Variants in CNTNAP3B observed in about 807,000 individuals in gnomAD.
CNTNAP3B encodes contactin associated protein family member 3B.
Under a neutral mutation model 108.9 loss-of-function variants are expected in CNTNAP3B, and 25 were observed. The observed-to-expected ratio is 0.23, with a 90% CI of 0.17 to 0.32. CNTNAP3B has a LOEUF of 0.32. Ranked by LOEUF, CNTNAP3B falls within the 10% of genes least tolerant of loss-of-function variation. The pLI, the probability that CNTNAP3B is intolerant of heterozygous loss-of-function variation, is 1.00. For missense variants in CNTNAP3B, 252 were observed against 1,210.4 expected, an observed-to-expected ratio of 0.21 and a Z score of 11.75; for synonymous variants, 103 against 473.4, an observed-to-expected ratio of 0.22 and a Z score of 10.16.
At chr9:42,095,217 C>A (rs568860116) in intron 2 of CNTNAP3B, among the ~76,000 whole-genome samples, 2 of 138,156 alleles carry the variant, frequency 1.4e-5, no homozygotes, top group East Asian at 4.4e-4. Flanking sequence ...ATTCTACTCT[C>A]TACTTCTGTG....
intron 3 of CNTNAP3B, among the ~76,000 whole-genome samples, chr9:42,044,405 T>TGAGAAATA: frequency 6.7e-6 from 1 of 149,054 alleles, no homozygotes; most frequent in Non-Finnish European, 1.5e-5. Context: ...ATCTGAGTTG[T>TGAGAAATA]CACCATCAAA....
intron 4 of CNTNAP3B, among the ~76,000 whole-genome samples, chr9:42,007,703 T>C (rs1408503639): frequency 1.5e-5 from 2 of 137,520 alleles, no homozygotes; most frequent in Admixed American, 7.4e-5. Flanking sequence ...CCGGCATAGC[T>C]ATACAGTACT....
At chr9:41,917,312 C>T (rs547040723) in intron 18 of CNTNAP3B, among the ~76,000 whole-genome samples, 2 of 142,722 alleles carry the variant, frequency 1.4e-5, no homozygotes, top group East Asian at 4.0e-4. Flanking sequence ...TTAAACTTCC[C>T]TGGCTTAACT....
chr9:41,925,437 C>A (rs1490540554), intron 15 of CNTNAP3B, among the ~76,000 whole-genome samples: 3 of 152,142 alleles, frequency 2.0e-5, no homozygotes, highest in Admixed American at 6.5e-5. Context: ...ACTAAAAATA[C>A]AAAAAATTAG....
At position 42,086,379 on chromosome 9, in the gene CNTNAP3B, A is replaced by AATAT. The variant is rs570448707; in HGVS notation, c.197-9321_197-9318dup. On this transcript the variant is annotated intron_variant, in intron 2 of 23. Coordinates refer to ENST00000377561, the MANE Select transcript of CNTNAP3B (RefSeq NM_001201380.3). ...ATCTACTATGAATAATGTTGCTATG[A>AATAT]ATATATATATATATATAAATTTTTT... Among the ~76,000 whole-genome samples the AATAT allele has an allele frequency of 2.9e-4, 36 of 126,256 alleles. 1 individual carries two copies. In the East Asian group the frequency reaches 4.6e-3, roughly 16 times the overall value. The allele number at this position is 126,256 out of a possible 152,430, so 82.8% of individuals were successfully genotyped here.
intron 3 of CNTNAP3B, among the ~76,000 whole-genome samples, chr9:42,030,792 CGA>C (rs752901003): frequency 0.31 from 13,072 of 41,520 alleles, 2,210 homozygotes; most frequent in African/African-American, 0.37. Context: ...GAGATGTGTG[CGA>C]GAGAGAGAGA....
chr9:41,954,478 C>G (rs1824795863), intron 12 of CNTNAP3B, among the ~76,000 whole-genome samples: 1 of 152,256 alleles, frequency 6.6e-6, no homozygotes, highest in Non-Finnish European at 1.5e-5. Flanking sequence ...TCACAGAACC[C>G]ATGGAGAGCA....
At chr9:42,115,615 C>A (rs1470084576) in intron 1 of CNTNAP3B, among the ~76,000 whole-genome samples, 1 of 126,214 alleles carries the variant, frequency 7.9e-6, no homozygotes, top group East Asian at 2.4e-4. Context: ...CTGGACTGGA[C>A]CTCCAGCAAA....
chr9:41,946,353 C>T (rs1449470967), intron 13 of CNTNAP3B, among the ~76,000 whole-genome samples: 4 of 94,032 alleles, frequency 4.3e-5, no homozygotes, highest in Non-Finnish European at 8.7e-5. Context: ...AAACCACATT[C>T]TAGGCCACAG....
chr9:41,925,029 A>G (rs1310455176), intron 15 of CNTNAP3B, among the ~76,000 whole-genome samples: 1 of 151,840 alleles, frequency 6.6e-6, no homozygotes, highest in Non-Finnish European at 1.5e-5. Flanking sequence ...TGATAAGCCC[A>G]TCACTGGTCC....
chr9:42,099,451 G>A (rs1827980534), intron 2 of CNTNAP3B, among the ~76,000 whole-genome samples: 1 of 134,240 alleles, frequency 7.4e-6, no homozygotes, highest in East Asian at 2.3e-4. Context: ...CACTTCTTCG[G>A]TTTCATCCAT....
intron 13 of CNTNAP3B, among the ~76,000 whole-genome samples, chr9:41,941,026 G>A (rs1209147816): frequency 2.9e-4 from 43 of 149,756 alleles, no homozygotes; most frequent in African/African-American, 1.1e-3. Context: ...AATGATATAT[G>A]ATAATTGACA....
chr9:42,039,277 CA>C lies in CNTNAP3B; in HGVS notation c.391-25753del, dbSNP rs982989293. On this transcript the variant is annotated intron_variant, in intron 3 of 23. Coordinates refer to ENST00000377561, the MANE Select transcript of CNTNAP3B (RefSeq NM_001201380.3). ...GAGATGGAGACACAAAAAAATCCTTCAAAAAATCAATGAATCCAAGAACTGG... is the reference window on the plus strand; with the variant it reads ...GAGATGGAGACACAAAAAAATCCTTCAAAAATCAATGAATCCAAGAACTGG... Among the ~76,000 whole-genome samples the C allele has an allele frequency of 4.3e-5, 5 of 117,068 alleles. No homozygotes were observed. In the East Asian group the frequency reaches 1.4e-3, roughly 32 times the overall value. The allele number at this position is 117,068 out of a possible 152,430, so 76.8% of individuals were successfully genotyped here.
chr9:42,126,698 T>C (rs61225266), intron 1 of CNTNAP3B, among the ~76,000 whole-genome samples: 58,152 of 130,648 alleles, frequency 0.45, 16,900 homozygotes, highest in East Asian at 0.7. Context: ...GCCTCCCGAG[T>C]AGCTGGAATT....
intron 3 of CNTNAP3B, among the ~76,000 whole-genome samples, chr9:42,014,587 G>A (rs576382252): frequency 8.3e-4 from 96 of 115,694 alleles, no homozygotes; most frequent in African/African-American, 1.7e-3. Flanking sequence ...TCAGGAGATC[G>A]AGATCATCCT....
intron 18 of CNTNAP3B, among the ~76,000 whole-genome samples, chr9:41,915,944 C>T (rs987428277): frequency 5.9e-5 from 9 of 151,516 alleles, no homozygotes; most frequent in Non-Finnish European, 1.2e-4. Flanking sequence ...TAATCTGCTT[C>T]AGGTTTACAC....
At chr9:41,944,242 A>G (rs1824454420) in intron 13 of CNTNAP3B, among the ~76,000 whole-genome samples, 1 of 148,702 alleles carries the variant, frequency 6.7e-6, no homozygotes, top group Non-Finnish European at 1.5e-5. Context: ...AGAAATACAT[A>G]AAGAAAGGTA....
chr9:41,919,120 A>G (rs1343062405), intron 18 of CNTNAP3B, among the ~76,000 whole-genome samples: 2 of 152,184 alleles, frequency 1.3e-5, no homozygotes, highest in Non-Finnish European at 2.9e-5. Context: ...TACTAAAATC[A>G]GTCCCTTTTT....
intron 2 of CNTNAP3B, among the ~76,000 whole-genome samples, chr9:42,089,464 C>G (rs963368995): frequency 1.4e-5 from 2 of 137,986 alleles, no homozygotes; most frequent in Non-Finnish European, 3.1e-5. Context: ...CATACTATAA[C>G]AAACCATTTG....
Sources: gnomAD v4.1 joint callset for allele counts (sites outside exome capture counted in the v4.1 genomes callset) on GRCh38, gnomAD v4.1.1 for gene constraint, MANE v1.5 for transcripts, NCBI Gene and HGNC (gene_info 2026-07-23, HGNC 2026-07-21) for gene names.